CNBD1: variants seen among roughly 807,000 people sequenced by gnomAD.
CNBD1 encodes the protein cyclic nucleotide-binding domain-containing protein 1.
Under a neutral mutation model 54.4 loss-of-function variants are expected in CNBD1, and 71 were observed. The observed-to-expected ratio is 1.30, with a 90% confidence interval of 1.08 to 1.59. The LOEUF (loss-of-function observed/expected upper bound fraction) is 1.59. CNBD1 is among the 40% of genes most tolerant of loss of function. The pLI is 0.00. For synonymous variants in CNBD1, 182 were observed against 170.7 expected, an observed-to-expected ratio of 1.07 and a Z score of -0.51; for missense variants, 659 against 518.0, an observed-to-expected ratio of 1.27 and a Z score of -2.64.
At chr8:86,968,983 CTTGTGGGCAAA>C (rs778715040) in intron 4 of CNBD1, among the ~76,000 whole-genome samples, 2 of 152,084 alleles carry the variant, frequency 1.3e-5, no homozygotes, top group African/African-American at 2.4e-5. Flanking sequence ...AAGGAATTTT[CTTGTGGGCAAA>C]TTGTGAGGGA....
intron 4 of CNBD1, among the ~76,000 whole-genome samples, chr8:87,116,952 CTG>C: frequency 6.6e-6 from 1 of 152,242 alleles, no homozygotes; most frequent in East Asian, 1.9e-4. Flanking sequence ...CTTACTCTTT[CTG>C]TTTTTCTTAC....
intron 4 of CNBD1, among the ~76,000 whole-genome samples, chr8:87,196,922 G>C (rs1428598159): frequency 1.3e-5 from 2 of 151,418 alleles, no homozygotes; most frequent in Non-Finnish European, 2.9e-5. Flanking sequence ...AAAGGGAATA[G>C]TATTTTTTAT....
chr8:87,233,740 G>A (rs762763693), intron 5 of CNBD1, among the ~76,000 whole-genome samples: 3 of 152,048 alleles, frequency 2.0e-5, no homozygotes, highest in Non-Finnish European at 4.4e-5. Context: ...AAGTAGCTGG[G>A]ACTTCAGGCA....
intron 3 of CNBD1, among the ~76,000 whole-genome samples, chr8:86,927,229 C>T (rs937464904): frequency 2.0e-5 from 3 of 152,030 alleles, no homozygotes; most frequent in Non-Finnish European, 2.9e-5. Context: ...ATTCTATTTT[C>T]CCATTGGAGA....
At chr8:87,172,779 T>A (rs909927327) in intron 4 of CNBD1, among the ~76,000 whole-genome samples, 1 of 152,130 alleles carries the variant, frequency 6.6e-6, no homozygotes, top group Non-Finnish European at 1.5e-5. Context: ...AATTGAAGTG[T>A]GTTTCTTGTA....
chr8:87,394,743 A>G (rs1811378141), intron 2 of CNBD1, among the ~76,000 whole-genome samples: 1 of 151,932 alleles, frequency 6.6e-6, no homozygotes, highest in African/African-American at 2.4e-5. Context: ...TTTTTAACAA[A>G]TTGTTTTAAG....
intron 4 of CNBD1, among the ~76,000 whole-genome samples, chr8:87,017,787 T>C (rs1809398264): frequency 6.6e-6 from 1 of 152,168 alleles, no homozygotes; most frequent in Non-Finnish European, 1.5e-5. Flanking sequence ...ATAGGCAAAT[T>C]TCCCTTTCTA....
chr8:86,912,046 A>G (rs1348947085), intron 3 of CNBD1, among the ~76,000 whole-genome samples: 2 of 152,120 alleles, frequency 1.3e-5, no homozygotes, highest in Non-Finnish European at 2.9e-5. Flanking sequence ...ATTACGCAAA[A>G]TGTGACATTT....
chr8:87,380,292 C>T (rs1237539006), intron 10 of CNBD1, among the ~76,000 whole-genome samples: 4 of 151,744 alleles, frequency 2.6e-5, no homozygotes, highest in African/African-American at 9.7e-5. Context: ...AAAATAAGAT[C>T]ATTCTTGGCA....
intron 4 of CNBD1, among the ~76,000 whole-genome samples, chr8:86,976,524 T>C (rs1230368820): frequency 1.3e-5 from 2 of 151,938 alleles, no homozygotes; most frequent in African/African-American, 4.8e-5. Context: ...TGGAGATCTT[T>C]TGTAATTCCA....
At chr8:86,999,429 G>A (rs1238991538) in intron 4 of CNBD1, among the ~76,000 whole-genome samples, 4 of 151,966 alleles carry the variant, frequency 2.6e-5, no homozygotes, top group Non-Finnish European at 5.9e-5. Flanking sequence ...ACTAGCTGCA[G>A]TTGTTGCTTT....
intron 6 of CNBD1, among the ~76,000 whole-genome samples, chr8:87,261,867 C>G (rs1284522405): frequency 1.3e-5 from 2 of 151,648 alleles, no homozygotes; most frequent in Admixed American, 1.3e-4. Context: ...CAACATAGGC[C>G]AGGTGCAGTG....
intron 4 of CNBD1, among the ~76,000 whole-genome samples, chr8:87,201,753 A>T (rs1813866920): frequency 6.6e-6 from 1 of 152,120 alleles, no homozygotes; most frequent in Non-Finnish European, 1.5e-5. Context: ...GAAAAACTTA[A>T]TTTTTAAAAA....
At chr8:87,417,822 T>C (rs1393702735) in intron 2 of CNBD1, among the ~76,000 whole-genome samples, 1 of 151,930 alleles carries the variant, frequency 6.6e-6, no homozygotes, top group Non-Finnish European at 1.5e-5. Flanking sequence ...TATATGATAG[T>C]AACAATATAC....
At chr8:87,031,051 TTA>T in intron 4 of CNBD1, among the ~76,000 whole-genome samples, 1 of 149,808 alleles carries the variant, frequency 6.7e-6, no homozygotes, top group Middle Eastern at 3.4e-3. Context: ...AGATTTCTGA[TTA>T]TGTTTCACAG....
At chr8:87,004,179 T>C (rs1264989648) in intron 4 of CNBD1, among the ~76,000 whole-genome samples, 1 of 152,162 alleles carries the variant, frequency 6.6e-6, no homozygotes, top group African/African-American at 2.4e-5. Context: ...AATTGGCTCA[T>C]AGTTCTGCAC....
At position 87,269,785 on chromosome 8, in the gene CNBD1, C is replaced by T. The variant is rs367751895; in HGVS notation, c.772-14893C>T. On this transcript the variant is annotated intron_variant, in intron 6 of 10. Coordinates refer to ENST00000518476, the MANE Select transcript of CNBD1 (RefSeq NM_173538.3). ...GAATCAGCAATAAAAAACCTACTAA[C>T]CAAAAATAGTCCTGGACCAGATGGA... Among the ~76,000 whole-genome samples the T allele has an allele frequency of 1.6e-4, 24 of 152,018 alleles. No homozygotes were observed. The East Asian group carries it at 3.9e-3, about 25-fold the overall frequency.
intron 2 of CNBD1, among the ~76,000 whole-genome samples, chr8:86,901,594 T>C (rs1808933737): frequency 1.3e-5 from 2 of 152,168 alleles, no homozygotes; most frequent in African/African-American, 4.8e-5. Context: ...ATTTTATTTC[T>C]TTCCCACATA....
At chr8:87,347,753 T>C (rs190394372) in intron 8 of CNBD1, among the ~76,000 whole-genome samples, 3 of 152,094 alleles carry the variant, frequency 2.0e-5, no homozygotes, top group African/African-American at 7.2e-5. Context: ...TCCATAGACA[T>C]AGCATTTGTC....
Sources: allele counts gnomAD v4.1 joint callset (sites outside exome capture counted in the v4.1 genomes callset), GRCh38; gene constraint gnomAD v4.1.1; transcripts MANE v1.5; gene names NCBI Gene and HGNC (gene_info 2026-07-23, HGNC 2026-07-21).